Variants in LRRC51 observed in about 807,000 individuals in gnomAD.
The protein encoded by LRRC51 is leucine-rich repeat-containing protein 51.
Under a neutral mutation model 17.8 loss-of-function variants are expected in LRRC51, and 8 were observed. The ratio of observed to expected loss-of-function variants is 0.45; its 90% CI spans 0.26 to 0.81. The LOEUF (loss-of-function observed/expected upper bound fraction) is 0.81. Ranked by LOEUF, LRRC51 falls within the 30% of genes least tolerant of loss-of-function variation. The probability of loss-of-function intolerance (pLI) is 0.17; values close to 1 mark genes in which losing one functional copy is unlikely to be tolerated. For synonymous variants in LRRC51, 92 were observed against 96.0 expected (o/e 0.96, Z 0.24); for missense variants, 233 against 239.3 (o/e 0.97, Z 0.17).
intron 1 of LRRC51, among the ~76,000 whole-genome samples, chr11:72,084,251 T>G (rs1180696126): frequency 6.6e-6 from 1 of 152,178 alleles, no homozygotes; most frequent in Non-Finnish European, 1.5e-5. Flanking sequence ...CTGTTGAATC[T>G]CCTATCAGAT....
intron 1 of LRRC51, among the ~76,000 whole-genome samples, chr11:72,084,861 C>CGTGT (rs55904624): frequency 0.011 from 1,393 of 124,280 alleles, 29 homozygotes; most frequent in African/African-American, 0.041. Flanking sequence ...AAAAGAAAAC[C>CGTGT]GTGTGTGTGT....
chr11:72,081,255 A>G (rs1200108107), intron 1 of LRRC51, among the ~76,000 whole-genome samples: 3 of 152,106 alleles, frequency 2.0e-5, no homozygotes, highest in Non-Finnish European at 4.4e-5. Context: ...CCCTGTCTCT[A>G]CCAAAAACAT....
chr11:72,095,093 A>G lies in LRRC51; in HGVS notation c.434A>G (p.Tyr145Cys). The G allele has an allele frequency of 1.2e-6, 2 of 1,613,922 alleles. No individual in the cohort carries two copies. The highest frequency in any genetic ancestry group is 1.7e-6 in the Non-Finnish European group (2 of 1,179,884). The change falls in exon 5 of 6, where the codon TAT becomes TGT. Residue 145 changes from tyrosine to cysteine, a missense_variant. Coordinates refer to ENST00000289488, the MANE Select transcript of LRRC51 (RefSeq NM_145309.6). ...HGNPMEEEKG[Y>C]RQYVLCTLSR... ...AACCCCATGGAGGAAGAGAAAGGGT[A>G]TAGGTAAGTGCCCTGCCCCTGGAGG...
intron 3 of LRRC51, among the ~76,000 whole-genome samples, chr11:72,090,260 G>C (rs1294294737): frequency 6.6e-6 from 1 of 152,192 alleles, no homozygotes; most frequent in African/African-American, 2.4e-5. Flanking sequence ...CTCTAAGACA[G>C]GTGCAATGAC....
chr11:72,095,110 C>A lies in LRRC51; in HGVS notation c.437+14C>A. 2 of 1,612,502 alleles carry A rather than the reference C, an allele frequency of 1.2e-6. No homozygotes were observed. The highest frequency in any genetic ancestry group is 1.7e-6 in the Non-Finnish European group (2 of 1,178,920). On this transcript the variant is annotated intron_variant, in intron 5 of 5. Coordinates refer to ENST00000289488, the MANE Select transcript of LRRC51 (RefSeq NM_145309.6). ...GAAAGGGTATAGGTAAGTGCCCTGC[C>A]CCTGGAGGTAGCGTCTAGCTGGGCT...
intron 1 of LRRC51, among the ~76,000 whole-genome samples, chr11:72,084,136 A>G (rs2136474071): frequency 6.6e-6 from 1 of 152,280 alleles, no homozygotes; most frequent in South Asian, 2.1e-4. Context: ...AGCTGGGACT[A>G]TAGGCGTGAG....
Position 72,096,608 on chromosome 11 carries a change from C to G in LRRC51, c.*1088C>G. On this transcript the variant is annotated 3_prime_UTR_variant, in exon 6 of 6. Transcript: ENST00000289488. ...GCCTGCTGGCCTGGGACACTGGAGA[C>G]GTGGGTTTACCACACAGCCTTGGGA... 6.8e-7 allele frequency: 1 copy of G among 1,480,276 alleles called. No homozygotes were observed. The highest frequency in any genetic ancestry group is 9.0e-7 in the Non-Finnish European group (1 of 1,114,210). 91.7% of individuals were successfully genotyped at this position (1,480,276 alleles called of 1,614,324 possible).
At position 72,094,941 on chromosome 11, in the gene LRRC51, C is replaced by G. The variant is rs1945092453; in HGVS notation, c.289-7C>G. The G allele has an allele frequency of 6.2e-7, 1 of 1,613,988 alleles. No individual in the cohort carries two copies. The highest frequency in any genetic ancestry group is 8.5e-7 in the Non-Finnish European group (1 of 1,180,026). On this transcript the variant is annotated splice_region_variant and splice_polypyrimidine_tract_variant and intron_variant, in intron 4 of 5. Transcript: ENST00000289488. The stretch of plus-strand genomic sequence containing the variant: ...CTAGCCTGGCTTTTGGTTTCCCTCC[C>G]CAACAGGTCCTAACAACTTTCTTCA...
chr11:72,084,390 G>A (rs1473780185), intron 1 of LRRC51, among the ~76,000 whole-genome samples: 1 of 152,122 alleles, frequency 6.6e-6, no homozygotes, highest in East Asian at 1.9e-4. Context: ...ACAGTTTTCT[G>A]TCAACTTGGG....
chr11:72,095,458 GAA>G lies in LRRC51; in HGVS notation c.518_519del (p.Glu173GlyfsTer26), dbSNP rs752165389. 6.2e-7 allele frequency: 1 copy of G among 1,614,006 alleles called. No individual in the cohort carries two copies. On this transcript the variant is annotated frameshift_variant, in exon 6 of 6. Transcript: ENST00000289488. LOFTEE classifies it high-confidence loss of function. ...CACCAAAGCAGACCGCACCACAGCTGAAGTCTGGAAACGCATGAACATCAAGC... is the reference window on the plus strand; with the variant it reads ...CACCAAAGCAGACCGCACCACAGCTGGTCTGGAAACGCATGAACATCAAGC... Reference protein sequence around the residue: ...GVTKADRTTAEVWKRMNIKPK... With the variant: ...GVTKADRTTAXVWKRMNIKPK...
In LRRC51 at chr11:72,094,877, C is replaced by A. The variant is rs1347077396; in HGVS notation, c.289-71C>A. 5.0e-6 allele frequency: 8 copies of A among 1,614,032 alleles called. No individual in the cohort carries two copies. The Admixed American group carries it at 1.2e-4, about 24-fold the overall frequency. ...CCCCACATTCTTCCTTCTCTGCCCA[C>A]GAGTCAGCCCTGAGCAGAGATTCAG... On this transcript the variant is annotated intron_variant, in intron 4 of 5. Coordinates refer to ENST00000289488, the MANE Select transcript of LRRC51 (RefSeq NM_145309.6).
chr11:72,094,684 G>A (rs1945069062), intron 4 of LRRC51: 1 of 713,954 alleles, frequency 1.4e-6, no homozygotes, highest in South Asian at 1.5e-5. Flanking sequence ...GGCAACTAAG[G>A]CTGAGAGAGG....
Position 72,095,220 on chromosome 11 carries a change from T to C in LRRC51, c.437+124T>C, listed in dbSNP as rs539449741. On this transcript the variant is annotated intron_variant, in intron 5 of 5. Transcript: ENST00000289488. ...GGACCTGGGAAGGGAGTAACAGACC[T>C]CTAAGCATTCCTTGCTCTCAGTCAG... The C allele has an allele frequency of 2.6e-6, 4 of 1,561,168 alleles. No individual in the cohort carries two copies. In the Admixed American group the frequency reaches 5.7e-5, roughly 22 times the overall value.
chr11:72,093,843 A>C, intron 4 of LRRC51, 142 bp downstream of exon 4: 1 of 813,718 alleles, frequency 1.2e-6, no homozygotes, highest in Non-Finnish European at 2.1e-6. Flanking sequence ...GGGGCCAGAC[A>C]GATAGATGTA....
rs559670117 is a variant in LRRC51 at position 72,095,005 on chromosome 11, C to T, written c.346C>T (p.Arg116Cys). 6.8e-6 allele frequency: 11 copies of T among 1,614,070 alleles called. No individual in the cohort carries two copies. The African/African-American group carries it at 8.0e-5, about 12-fold the overall frequency. ...VLYLHGNSIQ[R>C]LGEVNKLAVL... Reference sequence around the variant, plus strand: ...CTATCTTCACGGCAACAGCATCCAGCGCCTGGGGGAGGTGAATAAGCTGGC... The same window carrying T: ...CTATCTTCACGGCAACAGCATCCAGTGCCTGGGGGAGGTGAATAAGCTGGC... The change falls in exon 5 of 6, where the codon CGC becomes TGC. Residue 116 changes from arginine (R) to cysteine (C), a missense_variant. Transcript: ENST00000289488.
In LRRC51 at chr11:72,089,254, A is replaced by G. The variant is rs766990736; in HGVS notation, c.82+89A>G. On this transcript the variant is annotated intron_variant, in intron 3 of 5. Coordinates refer to ENST00000289488, the MANE Select transcript of LRRC51 (RefSeq NM_145309.6). Reference sequence around the variant, plus strand: ...GAAACCATAATCTACTTAAAAGCCTAAAGAGATTCTTCCCATATGCTTGCA... The same window carrying G: ...GAAACCATAATCTACTTAAAAGCCTGAAGAGATTCTTCCCATATGCTTGCA... 11 of 1,595,980 alleles carry G rather than the reference A, an allele frequency of 6.9e-6. No individual in the cohort carries two copies. In the African/African-American group the frequency reaches 1.3e-4, roughly 20 times the overall value.
Position 72,096,002 on chromosome 11 carries a change from C to G in LRRC51, c.*482C>G. On this transcript the variant is annotated 3_prime_UTR_variant, in exon 6 of 6. Coordinates refer to ENST00000289488, the MANE Select transcript of LRRC51 (RefSeq NM_145309.6). The stretch of plus-strand genomic sequence containing the variant: ...GGATTACAGGCGCCTGCTACCACAT[C>G]CAGCTAATTTTTTTTTTTGAGACGG... The G allele has an allele frequency of 1.1e-5, 2 of 175,402 alleles. No individual in the cohort carries two copies. Among genetic ancestry groups the G allele is most frequent in the South Asian group, 2.2e-4 (2 of 9,298 alleles). 10.9% of individuals were successfully genotyped at this position (175,402 alleles called of 1,614,324 possible).
chr11:72,087,652 A>G (rs1169545994), intron 1 of LRRC51, among the ~76,000 whole-genome samples: 3 of 152,126 alleles, frequency 2.0e-5, no homozygotes, highest in African/African-American at 7.2e-5. Context: ...TTCCATTTTT[A>G]ACTTTCTAAT....
Position 72,096,834 on chromosome 11 carries a change from G to C in LRRC51, c.*1314G>C. 1 of 1,278,526 alleles carries C rather than the reference G, an allele frequency of 7.8e-7. No individual in the cohort carries two copies. Among genetic ancestry groups the C allele is most frequent in the Non-Finnish European group, 1.0e-6 (1 of 996,266 alleles). 79.2% of individuals were successfully genotyped at this position (1,278,526 alleles called of 1,614,324 possible). ...AATCAGATCAAAGTAATTCCATTCT[G>C]TTTTATATGCTGGGATTCTGCTTAA... On this transcript the variant is annotated 3_prime_UTR_variant, in exon 6 of 6. Transcript: ENST00000289488.
Sources: gnomAD v4.1 joint callset for allele counts (sites outside exome capture counted in the v4.1 genomes callset) on GRCh38, gnomAD v4.1.1 for gene constraint, MANE v1.5 for transcripts, NCBI Gene and HGNC (gene_info 2026-07-23, HGNC 2026-07-21) for gene names.